The following SNX24 variants were observed in gnomAD, a reference collection of about 807,000 sequenced individuals.
SNX24 encodes sorting nexin-24.
SNX24 carries 22 observed loss-of-function variants against 28.7 expected under a neutral mutation model. The observed-to-expected ratio is 0.77, with a 90% CI of 0.55 to 1.10. The LOEUF is 1.10. SNX24 is among the 50% of genes least tolerant of loss of function. The probability of loss-of-function intolerance (pLI) is 0.00; values close to 1 mark genes in which losing one functional copy is unlikely to be tolerated. For missense variants in SNX24, 221 were observed against 201.1 expected, an observed-to-expected ratio of 1.10 and a Z score of -0.60; for synonymous variants, 69 against 71.5, an observed-to-expected ratio of 0.96 and a Z score of 0.18.
chr5:122,921,353 G>C (rs1723312569), intron 1 of SNX24, among the ~76,000 whole-genome samples: 1 of 152,170 alleles, frequency 6.6e-6, no homozygotes, highest in Non-Finnish European at 1.5e-5. Context: ...TGGTCACCTA[G>C]AGAGCAAATA....
At chr5:122,908,149 C>G (rs1008517212) in intron 1 of SNX24, among the ~76,000 whole-genome samples, 1 of 152,190 alleles carries the variant, frequency 6.6e-6, no homozygotes, top group Non-Finnish European at 1.5e-5. Context: ...TTCCATTAAG[C>G]TCTTGTGTAC....
At chr5:123,001,476 GT>G in intron 5 of SNX24, 39 bp downstream of exon 5, 1 of 1,449,160 alleles carries the variant, frequency 6.9e-7, no homozygotes, top group Non-Finnish European at 9.6e-7. Context: ...TAGGATTATG[GT>G]TTTGCTAAAT....
chr5:122,971,488 TCTC>T (rs1404580232), intron 3 of SNX24, among the ~76,000 whole-genome samples: 1 of 152,010 alleles, frequency 6.6e-6, no homozygotes, highest in African/African-American at 2.4e-5. Flanking sequence ...CCCATACACA[TCTC>T]CTGAAATCAT....
intron 3 of SNX24, among the ~76,000 whole-genome samples, chr5:122,994,453 C>CA (rs1761980323): frequency 6.6e-6 from 1 of 152,180 alleles, no homozygotes; most frequent in African/African-American, 2.4e-5. Flanking sequence ...TTTGTGACTA[C>CA]ATTTTACTTA....
chr5:123,002,991 T>A (rs559219317), intron 6 of SNX24, among the ~76,000 whole-genome samples: 2 of 152,390 alleles, frequency 1.3e-5, no homozygotes, highest in South Asian at 4.1e-4. Flanking sequence ...GGTGGACCTC[T>A]TGTTGCCTAT....
At chr5:122,879,081 G>C (rs750168026) in intron 1 of SNX24, among the ~76,000 whole-genome samples, 1 of 152,000 alleles carries the variant, frequency 6.6e-6, no homozygotes, top group Non-Finnish European at 1.5e-5. Flanking sequence ...TAATATATTT[G>C]ATTTAATGCA....
intron 5 of SNX24, chr5:123,023,827 C>CACGT: frequency 1.2e-6 from 2 of 1,605,164 alleles, no homozygotes; most frequent in Middle Eastern, 1.9e-4. Flanking sequence ...CACACACACA[C>CACGT]ACACACACAC....
chr5:122,900,054 C>G (rs542781870), intron 1 of SNX24, among the ~76,000 whole-genome samples: 30 of 151,670 alleles, frequency 2.0e-4, no homozygotes, highest in Admixed American at 1.5e-3. Context: ...GGGTCTTGCT[C>G]TGTTGCCCAG....
chr5:123,001,578 A>G, intron 5 of SNX24, 141 bp downstream of exon 5: 1 of 670,060 alleles, frequency 1.5e-6, no homozygotes, highest in Non-Finnish European at 2.6e-6. Flanking sequence ...TTTGATAGGG[A>G]ATTACAGGAG....
At chr5:122,937,393 C>A (rs1178875738) in intron 2 of SNX24, among the ~76,000 whole-genome samples, 1 of 152,098 alleles carries the variant, frequency 6.6e-6, no homozygotes, top group African/African-American at 2.4e-5. Context: ...CTTTAAAAGT[C>A]TTAGATAAAC....
rs1754581394 is a variant in SNX24 at position 122,845,628 on chromosome 5, G to C, written c.-6G>C. 1 of 1,399,162 alleles carries C rather than the reference G, an allele frequency of 7.1e-7. No individual in the cohort carries two copies. 86.7% of individuals were successfully genotyped at this position (1,399,162 alleles called of 1,614,324 possible). ...ACTCGCCCTCAGCCGGCTGGCCGGC[G>C]CGGCCATGGAGGTCTACATCCCGTC... On this transcript the variant is annotated 5_prime_UTR_variant, in exon 1 of 7. Transcript: ENST00000261369.
intron 5 of SNX24, chr5:123,028,561 C>A: frequency 2.2e-6 from 1 of 447,232 alleles, no homozygotes; most frequent in Non-Finnish European, 4.0e-6. Context: ...AGACAATAAA[C>A]ACCAAAACAA....
chr5:122,886,001 T>C (rs1581705542), intron 1 of SNX24, among the ~76,000 whole-genome samples: 1 of 145,780 alleles, frequency 6.9e-6, no homozygotes, highest in Non-Finnish European at 1.5e-5. Flanking sequence ...GTGTGGCTGG[T>C]TCCTAACAGG....
chr5:122,970,338 CGGCATACTCTTGCTTGT>C (rs1760905843), intron 3 of SNX24, among the ~76,000 whole-genome samples: 1 of 151,878 alleles, frequency 6.6e-6, no homozygotes, highest in South Asian at 2.1e-4. Context: ...GTTTAGAATG[CGGCATACTCTTGCTTGT>C]GGGGTATATA....
chr5:122,891,373 A>G (rs549097287), intron 1 of SNX24, among the ~76,000 whole-genome samples: 12 of 152,292 alleles, frequency 7.9e-5, no homozygotes, highest in African/African-American at 2.9e-4. Flanking sequence ...TATTTGTGGG[A>G]AAAATGCCAT....
chr5:122,959,909 G>C (rs1430115444), intron 3 of SNX24, among the ~76,000 whole-genome samples: 2 of 152,114 alleles, frequency 1.3e-5, no homozygotes, highest in Non-Finnish European at 2.9e-5. Context: ...GTTTACTAAA[G>C]AATAGCAGAA....
chr5:122,967,067 T>C (rs1302208031), intron 3 of SNX24, among the ~76,000 whole-genome samples: 1 of 152,216 alleles, frequency 6.6e-6, no homozygotes, highest in Non-Finnish European at 1.5e-5. Context: ...CTTAGGAATA[T>C]ACAAGGCAGA....
chr5:122,937,776 G>A (rs1437869421), intron 2 of SNX24, among the ~76,000 whole-genome samples: 1 of 152,108 alleles, frequency 6.6e-6, no homozygotes, highest in African/African-American at 2.4e-5. Flanking sequence ...AAACAGTACA[G>A]GTGAACACAG....
intron 1 of SNX24, among the ~76,000 whole-genome samples, chr5:122,886,242 T>C (rs546576683): frequency 3.9e-5 from 6 of 152,228 alleles, no homozygotes; most frequent in Non-Finnish European, 8.8e-5. Flanking sequence ...TTTTTAGTAA[T>C]TGCTTTGCAA....
Sources: allele counts gnomAD v4.1 joint callset (sites outside exome capture counted in the v4.1 genomes callset), GRCh38; gene constraint gnomAD v4.1.1; transcripts MANE v1.5; gene names NCBI Gene and HGNC (gene_info 2026-07-23, HGNC 2026-07-21).